Variants in GSDMC observed in about 807,000 individuals in gnomAD.
GSDMC encodes the protein gasdermin C.
In GSDMC, 59 loss-of-function variants were observed where a neutral mutation model predicts 58.0. The ratio of observed to expected loss-of-function variants is 1.02; its 90% confidence interval spans 0.82 to 1.26. The LOEUF (loss-of-function observed/expected upper bound fraction) is 1.26. GSDMC is among the 50% of genes most tolerant of loss of function. The pLI, the probability that GSDMC is intolerant of heterozygous loss-of-function variation, is 0.00. For missense variants in GSDMC, 659 were observed against 598.5 expected (o/e 1.10, Z -1.06); for synonymous variants, 241 against 220.2 (o/e 1.09, Z -0.83).
downstream of GSDMC, among the ~76,000 whole-genome samples, chr8:129,744,085 T>A (rs1203618831): frequency 6.6e-6 from 1 of 152,076 alleles, no homozygotes; most frequent in African/African-American, 2.4e-5. Flanking sequence ...AAAATGTTAG[T>A]TCCTTTGGCC....
chr8:129,784,795 C>T (rs2034512150), intron 1 of GSDMC, among the ~76,000 whole-genome samples: 1 of 152,220 alleles, frequency 6.6e-6, no homozygotes, highest in Non-Finnish European at 1.5e-5. Flanking sequence ...TCTTCACTCC[C>T]ATGTTTGTTG....
chr8:129,783,916 C>T (rs111802703), intron 1 of GSDMC, among the ~76,000 whole-genome samples: 2,240 of 151,796 alleles, frequency 0.015, 52 homozygotes, highest in African/African-American at 0.052. Context: ...GGAAAAAAAT[C>T]GAGAACCCAG....
the GSDMC span, among the ~76,000 whole-genome samples, chr8:129,711,000 G>A: frequency 6.6e-6 from 1 of 152,122 alleles, no homozygotes; most frequent in African/African-American, 2.4e-5. Context: ...CATTCCTCCT[G>A]GACCATCTTG....
Position 129,750,416 on chromosome 8 carries a change from T to C in GSDMC, c.1083+15A>G. On this transcript the variant is annotated intron_variant, in intron 11 of 13. Coordinates refer to ENST00000276708, the MANE Select transcript of GSDMC (RefSeq NM_031415.3). ...ACAGCTTTTACCAGACCTATGCAACTGTGGAGCCCCTCACCATGTTCATCA... is the reference window on the plus strand; with the variant it reads ...ACAGCTTTTACCAGACCTATGCAACCGTGGAGCCCCTCACCATGTTCATCA... 2 of 1,610,440 alleles carry C rather than the reference T, an allele frequency of 1.2e-6. No homozygotes were observed. The highest frequency in any genetic ancestry group is 1.7e-6 in the Non-Finnish European group (2 of 1,178,576).
At chr8:129,736,575 A>G in the GSDMC span, among the ~76,000 whole-genome samples, 1 of 152,244 alleles carries the variant, frequency 6.6e-6, no homozygotes, top group Non-Finnish European at 1.5e-5. Context: ...AAGGCCTTCG[A>G]CAAAATTCAA....
the GSDMC span, among the ~76,000 whole-genome samples, chr8:129,735,118 T>G: frequency 7.6e-3 from 1,160 of 152,304 alleles, 16 homozygotes; most frequent in African/African-American, 0.026. Context: ...ATCCTAAATA[T>G]ATATGCACCC....
chr8:129,727,770 A>C, the GSDMC span, among the ~76,000 whole-genome samples: 4 of 152,328 alleles, frequency 2.6e-5, no homozygotes, highest in African/African-American at 9.6e-5. Context: ...GCTCTGGAGT[A>C]GGGTAGGAGC....
chr8:129,730,583 A>C, the GSDMC span: 1 of 292,982 alleles, frequency 3.4e-6, no homozygotes, highest in African/African-American at 2.2e-5. Flanking sequence ...CTGAAGTCAT[A>C]GATAATTTAC....
the GSDMC span, among the ~76,000 whole-genome samples, chr8:129,734,107 G>T: frequency 6.6e-6 from 1 of 152,162 alleles, no homozygotes; most frequent in Non-Finnish European, 1.5e-5. Context: ...GAGATAAAGT[G>T]AGAAGAGAAG....
chr8:129,776,027 G>T, intron 3 of GSDMC, 75 bp downstream of exon 3: 1 of 1,137,568 alleles, frequency 8.8e-7, no homozygotes, highest in Non-Finnish European at 1.3e-6. Flanking sequence ...AGACTTGCTA[G>T]ATGTATTTTT....
At position 129,752,296 on chromosome 8, in the gene GSDMC, C is replaced by T. The variant is rs1215160068; in HGVS notation, c.845-149G>A. Reference sequence around the variant, plus strand: ...TCCATCAGTTCAGTTAAAAAACTTCCCCAGAGAGATGGATCCCCAGGCAGC... The same window carrying T: ...TCCATCAGTTCAGTTAAAAAACTTCTCCAGAGAGATGGATCCCCAGGCAGC... On this transcript the variant is annotated intron_variant, in intron 7 of 13. Transcript: ENST00000276708. 4 of 698,722 alleles carry T rather than the reference C, an allele frequency of 5.7e-6. No homozygotes were observed. In the African/African-American group the frequency reaches 7.1e-5, roughly 12 times the overall value. The allele number at this position is 698,722 out of a possible 1,614,324, so 43.3% of individuals were successfully genotyped here.
chr8:129,776,999 G>A (rs1586616826), intron 2 of GSDMC, among the ~76,000 whole-genome samples: 1 of 151,692 alleles, frequency 6.6e-6, no homozygotes, highest in African/African-American at 2.4e-5. Flanking sequence ...CGAACTCCTG[G>A]CCTCAAGTGA....
rs150707724 is a variant in GSDMC, at chr8:129,769,009, T to C, written c.405-3216A>G. Among the ~76,000 whole-genome samples the C allele has an allele frequency of 2.1e-3, 325 of 151,366 alleles. 2 individuals carry two copies. The highest frequency in any genetic ancestry group is 7.7e-3 in the African/African-American group (315 of 41,142). Reference sequence around the variant, plus strand: ...GGGAGGATCACTTCAGCCCAGGAGGTAGAGGCTGCAGTGAGCCAGGATCTT... The same window carrying C: ...GGGAGGATCACTTCAGCCCAGGAGGCAGAGGCTGCAGTGAGCCAGGATCTT... On this transcript the variant is annotated intron_variant, in intron 3 of 13. Transcript: ENST00000276708.
At chr8:129,754,062 C>A (rs540327459) in intron 6 of GSDMC, among the ~76,000 whole-genome samples, 2 of 152,332 alleles carry the variant, frequency 1.3e-5, no homozygotes, top group African/African-American at 4.8e-5. Context: ...CCACCCAAGG[C>A]CTGGGAAAAC....
At position 129,776,102 on chromosome 8, in the gene GSDMC, C is replaced by G. The variant is rs369223774; in HGVS notation, c.404G>C (p.Arg135Thr). The change falls in exon 3 of 14, where the codon AGG becomes ACG. Residue 135 changes from arginine to threonine, a missense_variant and splice_region_variant. Coordinates refer to ENST00000276708, the MANE Select transcript of GSDMC (RefSeq NM_031415.3). The stretch of plus-strand genomic sequence containing the variant: ...TCCCCTTCCTCTCCCATGGCCTCAC[C>G]TTTTTTGAAAGTCTTCCAGGTTTGG... ...PSPNLEDFQK[R>T]KLLDPEPSFL... is the part of the protein sequence containing the mutation. 2.5e-6 allele frequency: 4 copies of G among 1,611,940 alleles called. No homozygotes were observed. In the African/African-American group the frequency reaches 4.0e-5, roughly 16 times the overall value.
chr8:129,733,939 A>G, the GSDMC span, among the ~76,000 whole-genome samples: 1 of 152,200 alleles, frequency 6.6e-6, no homozygotes, highest in African/African-American at 2.4e-5. Flanking sequence ...AAAAGATTAG[A>G]TGAATGGCTA....
rs1235800630 is a variant in GSDMC at position 129,765,665 on chromosome 8, A to G, written c.533T>C (p.Ile178Thr). The G allele has an allele frequency of 3.1e-6, 5 of 1,613,626 alleles. No homozygotes were observed. The highest frequency in any genetic ancestry group is 4.2e-6 in the Non-Finnish European group (5 of 1,179,534). ...AATCCAAAGAGCAATTTTCCCTAAA[A>G]TATTCACACTACTGCTATCGTACAG... Reference protein sequence around the residue: ...TVLYDSSSVNILGKIALWITY... With the variant: ...TVLYDSSSVNTLGKIALWITY... Residue 178 changes from isoleucine to threonine, a missense_variant, in exon 4 of 14, where the codon ATT becomes ACT. Physicochemically the swap from Ile to Thr is moderately conservative, Grantham distance 89. Transcript: ENST00000276708.
chr8:129,752,625 C>T (rs1019813120), intron 7 of GSDMC, 73 bp downstream of exon 7: 66 of 1,570,296 alleles, frequency 4.2e-5, no homozygotes, highest in Non-Finnish European at 5.5e-5. Context: ...ACATAAACAC[C>T]AAATTTTAAC....
Position 129,748,525 on chromosome 8 carries a change from C to T in GSDMC, c.1503G>A (p.Leu501=). ...CTTAGGCCTCAGCCAGCTGCTGCAG[C>T]AACGAGAGAGTCCCATAGAGGGCAG... is the stretch of plus-strand genomic sequence containing the variant. ...PLSALYGTLS[L]LQQLAEA is the part of the protein sequence containing the mutation. Residue 501 remains leucine, a synonymous_variant, in exon 14 of 14, where the codon TTG becomes TTA. Coordinates refer to ENST00000276708, the MANE Select transcript of GSDMC (RefSeq NM_031415.3). 6.2e-7 allele frequency: 1 copy of T among 1,610,212 alleles called. No individual in the cohort carries two copies.
Sources: gnomAD v4.1 joint callset for allele counts (sites outside exome capture counted in the v4.1 genomes callset) on GRCh38, gnomAD v4.1.1 for gene constraint, MANE v1.5 for transcripts, NCBI Gene and HGNC (gene_info 2026-07-23, HGNC 2026-07-21) for gene names.